The following RHOU variants were observed in gnomAD, a reference collection of about 807,000 sequenced individuals.
RHOU encodes rho-related GTP-binding protein RhoU.
Under a neutral mutation model 12.6 loss-of-function variants are expected in RHOU, and 8 were observed. The ratio of observed to expected loss-of-function variants is 0.64; its 90% confidence interval spans 0.37 to 1.15. The LOEUF (loss-of-function observed/expected upper bound fraction) is 1.15, where lower values mean the gene tolerates loss of function less well. Among genes scored for constraint, RHOU ranks in the 50% most tolerant of loss-of-function variants. RHOU has a pLI of 0.01. For synonymous variants in RHOU, 161 were observed against 147.4 expected (o/e 1.09, Z -0.67); for missense variants, 258 against 347.0 (o/e 0.74, Z 2.04).
chr1:228,705,815 G>A, the RHOU span, among the ~76,000 whole-genome samples: 2 of 152,242 alleles, frequency 1.3e-5, no homozygotes, highest in East Asian at 1.9e-4. Flanking sequence ...AGGCCGAGAC[G>A]GGCAGATCAC....
At chr1:228,729,535 G>C in the RHOU span, among the ~76,000 whole-genome samples, 1 of 152,192 alleles carries the variant, frequency 6.6e-6, no homozygotes, top group African/African-American at 2.4e-5. Context: ...TGCACACACA[G>C]AAATGAGTGT....
At chr1:228,702,610 A>T in the RHOU span, among the ~76,000 whole-genome samples, 1 of 152,236 alleles carries the variant, frequency 6.6e-6, no homozygotes, top group East Asian at 1.9e-4. Context: ...TATCAAAAAC[A>T]TAACAGAAGC....
At chr1:228,648,058 A>G in the RHOU span, 1 of 152,210 alleles carries the variant, frequency 6.6e-6, no homozygotes, top group Non-Finnish European at 1.5e-5. Flanking sequence ...TGTCTGCCCC[A>G]AAGGCGCGGC....
At chr1:228,693,831 A>G in the RHOU span, among the ~76,000 whole-genome samples, 1 of 152,220 alleles carries the variant, frequency 6.6e-6, no homozygotes, top group African/African-American at 2.4e-5. Context: ...TTTTAAAGTT[A>G]ACATTAACTA....
At chr1:228,687,324 T>C in the RHOU span, 1 of 691,608 alleles carries the variant, frequency 1.4e-6, no homozygotes, top group Non-Finnish European at 2.6e-6. Flanking sequence ...CCAAATTTCT[T>C]TATTTGAAGG....
At chr1:228,665,249 T>C in the RHOU span, among the ~76,000 whole-genome samples, 5 of 152,226 alleles carry the variant, frequency 3.3e-5, no homozygotes, top group African/African-American at 1.2e-4. Flanking sequence ...TTAATCTTTA[T>C]GATAACCCCA....
At chr1:228,666,841 C>T in the RHOU span, among the ~76,000 whole-genome samples, 1 of 152,138 alleles carries the variant, frequency 6.6e-6, no homozygotes, top group African/African-American at 2.4e-5. Flanking sequence ...TGGAATGTAA[C>T]GAGACTAGAA....
the RHOU span, among the ~76,000 whole-genome samples, chr1:228,649,305 G>A: frequency 1.3e-5 from 2 of 152,088 alleles, no homozygotes; most frequent in Non-Finnish European, 2.9e-5. Flanking sequence ...GTACCTTTTC[G>A]TCAGGTTTGA....
At chr1:228,700,741 CAAAG>C in the RHOU span, among the ~76,000 whole-genome samples, 5 of 152,042 alleles carry the variant, frequency 3.3e-5, no homozygotes, top group Non-Finnish European at 7.4e-5. Flanking sequence ...AAATATAACT[CAAAG>C]AAAGTTAACT....
chr1:228,735,667 C>G lies in RHOU; in HGVS notation c.-76C>G. 8.8e-7 allele frequency: 1 copy of G among 1,130,172 alleles called. No individual in the cohort carries two copies. Among genetic ancestry groups the G allele is most frequent in the African/African-American group, 1.6e-5 (1 of 61,056 alleles). 70.0% of individuals were successfully genotyped at this position (1,130,172 alleles called of 1,614,324 possible). ...GCTGTCGGTGACAGCTCCTCCCTAC[C>G]GCAACCCTCCGGGGCGGAGGGGCGG... is the stretch of plus-strand genomic sequence containing the variant. On this transcript the variant is annotated 5_prime_UTR_variant, in exon 1 of 3. Transcript: ENST00000366691. This position sits in a 1 kb window ranked among gnomAD's most constrained non-coding sequence, Gnocchi z 8.1.
At chr1:228,685,874 C>A in the RHOU span, among the ~76,000 whole-genome samples, 10 of 152,242 alleles carry the variant, frequency 6.6e-5, no homozygotes, top group East Asian at 1.3e-3. Context: ...TCTAGTGCAA[C>A]CCTTAATTAT....
At chr1:228,683,058 A>G in the RHOU span, among the ~76,000 whole-genome samples, 1 of 152,212 alleles carries the variant, frequency 6.6e-6, no homozygotes, top group East Asian at 1.9e-4. Context: ...CACTAATTTC[A>G]GTAAGTGAAT....
chr1:228,693,624 G>A, the RHOU span, among the ~76,000 whole-genome samples: 207 of 152,148 alleles, frequency 1.4e-3, no homozygotes, highest in African/African-American at 4.8e-3. Flanking sequence ...GCGCCACCAC[G>A]GCCGGCTAAT....
At chr1:228,720,299 T>A in the RHOU span, among the ~76,000 whole-genome samples, 2 of 152,212 alleles carry the variant, frequency 1.3e-5, no homozygotes, top group Admixed American at 1.3e-4. Context: ...ACATAATACA[T>A]ACTATCATAG....
intron 2 of RHOU, among the ~76,000 whole-genome samples, chr1:228,739,499 G>T (rs1662679445): frequency 6.6e-6 from 1 of 152,172 alleles, no homozygotes; most frequent in Admixed American, 6.5e-5. Context: ...GGAGGCGGAG[G>T]TTGCAGTGGG....
the RHOU span, among the ~76,000 whole-genome samples, chr1:228,713,088 C>A: frequency 6.6e-6 from 1 of 151,954 alleles, no homozygotes; most frequent in Non-Finnish European, 1.5e-5. Context: ...TGGCATACAA[C>A]TTCTAAAATT....
chr1:228,683,442 A>T, the RHOU span, among the ~76,000 whole-genome samples: 1 of 152,196 alleles, frequency 6.6e-6, no homozygotes, highest in Non-Finnish European at 1.5e-5. Context: ...AGATATTGAG[A>T]TTTTACATAT....
At chr1:228,659,936 T>G in the RHOU span, among the ~76,000 whole-genome samples, 1 of 118,160 alleles carries the variant, frequency 8.5e-6, no homozygotes. Flanking sequence ...CTGGGAAACA[T>G]GGTAAAACCT....
At chr1:228,705,346 G>T in the RHOU span, among the ~76,000 whole-genome samples, 1 of 152,102 alleles carries the variant, frequency 6.6e-6, no homozygotes. Context: ...AGCATTTGCT[G>T]CTTTGGGGGC....
Sources: allele counts gnomAD v4.1 joint callset (sites outside exome capture counted in the v4.1 genomes callset), GRCh38; gene constraint gnomAD v4.1.1; non-coding constraint Gnocchi (gnomAD v3.1); transcripts MANE v1.5; gene names NCBI Gene and HGNC (gene_info 2026-07-23, HGNC 2026-07-21).